The following C10orf143 variants were observed in gnomAD, a reference collection of about 807,000 sequenced individuals.
The protein encoded by C10orf143 is chromosome 10 open reading frame 143.
intron 1 of C10orf143, among the ~76,000 whole-genome samples, chr10:130,090,184 G>C (rs1046581790): frequency 6.6e-6 from 1 of 152,140 alleles, no homozygotes; most frequent in Non-Finnish European, 1.5e-5. Flanking sequence ...GCAGAAGGCG[G>C]GTGATTTCTG....
chr10:130,104,463 G>C (rs1451190114), intron 1 of C10orf143: 1 of 152,198 alleles, frequency 6.6e-6, no homozygotes. Context: ...AGAGCCTCTA[G>C]GCTGGGAACA....
intron 1 of C10orf143, among the ~76,000 whole-genome samples, chr10:130,096,199 C>A (rs1861458558): frequency 6.6e-6 from 1 of 152,134 alleles, no homozygotes; most frequent in Admixed American, 6.5e-5. Context: ...AAATGCTCAT[C>A]ATCACTGGTC....
At chr10:130,086,011 C>T (rs1407612426) in intron 1 of C10orf143, among the ~76,000 whole-genome samples, 1 of 152,228 alleles carries the variant, frequency 6.6e-6, no homozygotes, top group Non-Finnish European at 1.5e-5. Flanking sequence ...CTCACTATTC[C>T]ATTTCAAAGA....
intron 3 of C10orf143, among the ~76,000 whole-genome samples, chr10:130,068,953 A>G (rs1290539431): frequency 6.6e-6 from 1 of 152,176 alleles, no homozygotes; most frequent in East Asian, 1.9e-4. Flanking sequence ...TCTCAGAGGA[A>G]AAGGACACAG....
intron 3 of C10orf143, among the ~76,000 whole-genome samples, chr10:130,073,144 C>G (rs1395800107): frequency 1.3e-5 from 2 of 152,162 alleles, no homozygotes; most frequent in Admixed American, 6.5e-5. Flanking sequence ...CTAGTGTGAT[C>G]TTATCCTCCG....
At chr10:130,038,844 TGGA>T (rs1235144993) in intron 3 of C10orf143, among the ~76,000 whole-genome samples, 1 of 152,112 alleles carries the variant, frequency 6.6e-6, no homozygotes, top group Non-Finnish European at 1.5e-5. Flanking sequence ...CCTGCTAAGC[TGGA>T]GGAGGCGGAG....
intron 1 of C10orf143, among the ~76,000 whole-genome samples, chr10:130,081,268 A>C (rs1861203981): frequency 6.6e-6 from 1 of 152,216 alleles, no homozygotes; most frequent in Non-Finnish European, 1.5e-5. Context: ...GTTCACAGTG[A>C]AGACATAATG....
At chr10:130,103,616 G>A (rs1431153471) in intron 1 of C10orf143, among the ~76,000 whole-genome samples, 3 of 151,976 alleles carry the variant, frequency 2.0e-5, no homozygotes, top group Non-Finnish European at 4.4e-5. Flanking sequence ...AGACCAGCCT[G>A]GGCAACATGG....
downstream of C10orf143, among the ~76,000 whole-genome samples, chr10:130,062,500 T>C (rs1860867973): frequency 1.3e-5 from 2 of 152,220 alleles, no homozygotes; most frequent in Admixed American, 1.3e-4. Context: ...TCTCCCGTGC[T>C]GGATGCTTCC....
chr10:130,038,247 G>A lies in C10orf143; in HGVS notation c.298-2277C>T, dbSNP rs911443469. The stretch of plus-strand genomic sequence containing the variant: ...GGTGGCCTGAGAGAGAGGGCCAGCC[G>A]CTGACTGAAGTTTCGGGTTCGGGAC... On this transcript the variant is annotated intron_variant and NMD_transcript_variant, in intron 3 of 5. Transcript: ENST00000643056. 1.1e-4 allele frequency among the ~76,000 whole-genome samples: 16 copies of A among 152,182 alleles called. No homozygotes were observed. In the South Asian group the frequency reaches 2.5e-3, roughly 24 times the overall value.
chr10:130,082,050 A>C (rs1861218095), intron 1 of C10orf143, among the ~76,000 whole-genome samples: 1 of 152,032 alleles, frequency 6.6e-6, no homozygotes. Flanking sequence ...AATTAAACAC[A>C]GTGGCACACA....
intron 1 of C10orf143, among the ~76,000 whole-genome samples, chr10:130,105,567 C>T (rs919202713): frequency 1.3e-5 from 2 of 152,084 alleles, no homozygotes; most frequent in African/African-American, 2.4e-5. Context: ...CTCATCTCTA[C>T]TAAAAATACA....
intron 1 of C10orf143, among the ~76,000 whole-genome samples, chr10:130,084,840 G>A (rs992933224): frequency 6.6e-6 from 1 of 152,174 alleles, no homozygotes; most frequent in Non-Finnish European, 1.5e-5. Context: ...AATACAAGAT[G>A]AGCCTCAAAC....
At chr10:130,106,503 AAG>A in intron 1 of C10orf143, 1 of 1,601,422 alleles carries the variant, frequency 6.2e-7, no homozygotes, top group Non-Finnish European at 8.5e-7. Context: ...AAAGAGTTAA[AAG>A]AAGAGAAATC....
intron 1 of C10orf143, among the ~76,000 whole-genome samples, chr10:130,109,909 C>T (rs1346179705): frequency 6.6e-6 from 1 of 151,802 alleles, no homozygotes; most frequent in African/African-American, 2.4e-5. Context: ...TAGCGAGGAA[C>T]TTTGAAATAA....
At chr10:130,091,292 AC>A (rs1463393638) in intron 1 of C10orf143, among the ~76,000 whole-genome samples, 1 of 152,132 alleles carries the variant, frequency 6.6e-6, no homozygotes, top group Non-Finnish European at 1.5e-5. Context: ...TCTGGAGTGG[AC>A]CTCCAGCAAA....
chr10:130,074,420 A>G (rs1053833966), intron 3 of C10orf143, among the ~76,000 whole-genome samples: 1 of 152,212 alleles, frequency 6.6e-6, no homozygotes, highest in African/African-American at 2.4e-5. Context: ...TCAGGACAGA[A>G]GAAGAAAGAA....
intron 3 of C10orf143, among the ~76,000 whole-genome samples, chr10:130,046,647 A>G (rs1860676969): frequency 6.6e-6 from 1 of 152,218 alleles, no homozygotes; most frequent in Non-Finnish European, 1.5e-5. Context: ...TCAGATAGGA[A>G]GCCGGCCATG....
intron 3 of C10orf143, among the ~76,000 whole-genome samples, chr10:130,040,451 C>T (rs746978708): frequency 6.6e-6 from 1 of 152,226 alleles, no homozygotes; most frequent in Non-Finnish European, 1.5e-5. Flanking sequence ...ACACTGAGTA[C>T]TGAGTCACAT....
Sources: allele counts gnomAD v4.1 joint callset (sites outside exome capture counted in the v4.1 genomes callset), GRCh38; gene constraint gnomAD v4.1.1; transcripts MANE v1.5; gene names NCBI Gene and HGNC (gene_info 2026-07-23, HGNC 2026-07-21).